The following VGLL4 variants were observed in gnomAD, a reference collection of about 807,000 sequenced individuals.
The protein encoded by VGLL4 is transcription cofactor vestigial-like protein 4.
A neutral mutation model predicts 21.0 loss-of-function variants in VGLL4; 7 were observed. That is an observed-to-expected ratio of 0.33 (90% CI 0.19 to 0.63). The LOEUF is 0.63. Among genes scored for constraint, VGLL4 ranks in the 20% least tolerant of loss-of-function variants. The probability of loss-of-function intolerance (pLI) is 0.78; values close to 1 mark genes in which losing one functional copy is unlikely to be tolerated. For missense variants in VGLL4, 394 were observed against 425.7 expected, an observed-to-expected ratio of 0.93 and a Z score of 0.66; for synonymous variants, 222 against 173.2, an observed-to-expected ratio of 1.28 and a Z score of -2.21.
chr3:11,585,542 G>A (rs12493225), intron 2 of VGLL4, among the ~76,000 whole-genome samples: 140,998 of 152,226 alleles, frequency 0.93, 65,512 homozygotes, highest in African/African-American at 0.95. Context: ...ATCTATTATG[G>A]TCTTGTTTCA....
intron 1 of VGLL4, among the ~76,000 whole-genome samples, chr3:11,710,966 G>T (rs1352752286): frequency 1.3e-5 from 2 of 152,016 alleles, no homozygotes; most frequent in African/African-American, 4.8e-5. Context: ...TGGGCGTGGT[G>T]GTGAGCACCT....
chr3:11,624,370 T>C (rs1473810844), intron 1 of VGLL4, among the ~76,000 whole-genome samples: 1 of 152,170 alleles, frequency 6.6e-6, no homozygotes, highest in Non-Finnish European at 1.5e-5. Flanking sequence ...TGTATCTCAG[T>C]ACTCACATCC....
intron 2 of VGLL4, among the ~76,000 whole-genome samples, chr3:11,680,498 G>T (rs1346829041): frequency 6.6e-6 from 1 of 152,190 alleles, no homozygotes; most frequent in Non-Finnish European, 1.5e-5. Flanking sequence ...TCACAGGGCT[G>T]TGCGGGAGAC....
intron 2 of VGLL4, among the ~76,000 whole-genome samples, chr3:11,573,292 A>G (rs868598068): frequency 1.5e-3 from 17 of 11,010 alleles, no homozygotes; most frequent in Middle Eastern, 0.031. Flanking sequence ...AGAAAGAAAG[A>G]AAGAAAGAAA....
intron 2 of VGLL4, among the ~76,000 whole-genome samples, chr3:11,674,248 A>C (rs2076258251): frequency 6.6e-6 from 1 of 152,136 alleles, no homozygotes; most frequent in Admixed American, 6.5e-5. Context: ...CCAGCATGGA[A>C]GAGTGACCCC....
chr3:11,613,282 A>C (rs1011849394), intron 1 of VGLL4, among the ~76,000 whole-genome samples: 1 of 152,166 alleles, frequency 6.6e-6, no homozygotes, highest in South Asian at 2.1e-4. Context: ...CTGCATTTTC[A>C]AGACATTCTT....
chr3:11,697,573 C>T (rs928112627), intron 2 of VGLL4, among the ~76,000 whole-genome samples: 2 of 150,142 alleles, frequency 1.3e-5, no homozygotes, highest in African/African-American at 2.5e-5. Flanking sequence ...ATGCAGAAGC[C>T]GACCAGAAGT....
intron 1 of VGLL4, chr3:11,604,260 G>GAATTCCATCTTCC (rs1553728893): frequency 0.016 from 8,522 of 520,792 alleles, 1,112 homozygotes; most frequent in African/African-American, 0.13. Context: ...AAGGAGCCCA[G>GAATTCCATCTTCC]GAAGCACGGT....
chr3:11,630,112 T>G (rs1377016580), intron 1 of VGLL4, among the ~76,000 whole-genome samples: 4 of 152,152 alleles, frequency 2.6e-5, no homozygotes, highest in African/African-American at 9.7e-5. Flanking sequence ...CCAAAATCAC[T>G]ACCTCTGCCA....
intron 1 of VGLL4, among the ~76,000 whole-genome samples, chr3:11,614,684 G>A (rs1400013678): frequency 6.6e-6 from 1 of 152,180 alleles, no homozygotes; most frequent in African/African-American, 2.4e-5. Context: ...AGAAGCCACA[G>A]AGTGAATTTT....
chr3:11,707,310 A>C (rs1417261631), intron 1 of VGLL4, among the ~76,000 whole-genome samples: 2 of 109,896 alleles, frequency 1.8e-5, no homozygotes, highest in African/African-American at 6.1e-5. Flanking sequence ...CCTGGGCAAC[A>C]GAGCCAGACC....
chr3:11,573,353 AAGAAAGAAAG>A (rs1559870546), intron 2 of VGLL4, among the ~76,000 whole-genome samples: 1 of 100,978 alleles, frequency 9.9e-6, no homozygotes, highest in Non-Finnish European at 2.5e-5. Context: ...GAAAGAAAGA[AAGAAAGAAAG>A]AAAGAAAGAA....
rs952154115 is a variant in VGLL4 at position 11,682,056 on chromosome 3, C to G, written c.64+20915G>C. 7.2e-5 allele frequency among the ~76,000 whole-genome samples: 11 copies of G among 152,098 alleles called. 1 individual carries two copies. In the South Asian group the frequency reaches 1.5e-3, roughly 20 times the overall value. On this transcript the variant is annotated intron_variant, in intron 2 of 5. Coordinates refer to the VGLL4 transcript ENST00000273038. ...GGTGGATCACTTGAGGTCAGGAGTT[C>G]GAGACCAGTCTGGCCAACAAGGCGA...
chr3:11,683,725 C>A (rs1354322785), intron 2 of VGLL4, among the ~76,000 whole-genome samples: 1 of 151,676 alleles, frequency 6.6e-6, no homozygotes, highest in East Asian at 1.9e-4. Flanking sequence ...ACCCAGGAGG[C>A]AGAGTTTGCA....
chr3:11,663,977 C>T (rs920787980), intron 2 of VGLL4, among the ~76,000 whole-genome samples: 1 of 152,164 alleles, frequency 6.6e-6, no homozygotes, highest in Non-Finnish European at 1.5e-5. Flanking sequence ...GTAGGCTGGG[C>T]GCAGTGGCTC....
At chr3:11,654,473 T>C (rs531337095) in intron 2 of VGLL4, among the ~76,000 whole-genome samples, 1 of 152,342 alleles carries the variant, frequency 6.6e-6, no homozygotes, top group South Asian at 2.1e-4. Flanking sequence ...CCCAGGGTCT[T>C]ACTTTTAACT....
chr3:11,637,976 C>T (rs549372302), intron 1 of VGLL4, among the ~76,000 whole-genome samples: 5 of 152,306 alleles, frequency 3.3e-5, no homozygotes, highest in Admixed American at 1.3e-4. Flanking sequence ...ACTGAATAAA[C>T]GTCAGATACT....
At chr3:11,573,423 C>T (rs1235720365) in intron 2 of VGLL4, among the ~76,000 whole-genome samples, 3 of 152,022 alleles carry the variant, frequency 2.0e-5, no homozygotes, top group Admixed American at 2.0e-4. Context: ...CTTAAGTCCT[C>T]AGACATGTGT....
chr3:11,710,921 G>A (rs559857837), intron 1 of VGLL4, among the ~76,000 whole-genome samples: 64 of 151,902 alleles, frequency 4.2e-4, no homozygotes, highest in Non-Finnish European at 7.8e-4. Context: ...CCAACATGGT[G>A]AAACCCCGTC....
Sources: gnomAD v4.1 joint callset for allele counts (sites outside exome capture counted in the v4.1 genomes callset) on GRCh38, gnomAD v4.1.1 for gene constraint, MANE v1.5 for transcripts, NCBI Gene and HGNC (gene_info 2026-07-23, HGNC 2026-07-21) for gene names.